Variants in RPTOR observed in about 807,000 individuals in gnomAD.
The protein encoded by RPTOR is regulatory-associated protein of mTOR.
RPTOR carries 21 observed loss-of-function variants against 169.9 expected under a neutral mutation model. The observed-to-expected ratio is 0.12, with a 90% CI of 0.09 to 0.18. The LOEUF is 0.18. Ranked by LOEUF, RPTOR falls within the 10% of genes least tolerant of loss-of-function variation. RPTOR has a pLI of 1.00. For missense variants in RPTOR, 1,133 were observed against 1,855.9 expected (o/e 0.61, Z 7.16); for synonymous variants, 732 against 753.2 (o/e 0.97, Z 0.46).
intron 6 of RPTOR, among the ~76,000 whole-genome samples, chr17:80,787,076 G>A (rs778786764): frequency 6.6e-6 from 1 of 152,068 alleles, no homozygotes; most frequent in Non-Finnish European, 1.5e-5. Context: ...TGCCGCCCCC[G>A]CCCTGTGACC....
At chr17:80,701,321 A>C (rs1051384172) in intron 3 of RPTOR, among the ~76,000 whole-genome samples, 1 of 152,176 alleles carries the variant, frequency 6.6e-6, no homozygotes, top group African/African-American at 2.4e-5. Flanking sequence ...CGGAGACCAT[A>C]ATGCTCATTC....
intron 1 of RPTOR, among the ~76,000 whole-genome samples, chr17:80,547,814 G>C (rs560101312): frequency 6.6e-6 from 1 of 152,146 alleles, no homozygotes; most frequent in Non-Finnish European, 1.5e-5. Flanking sequence ...TAATGGCATA[G>C]GTTCAAAGAT....
intron 28 of RPTOR, among the ~76,000 whole-genome samples, chr17:80,951,583 A>T (rs4969315): frequency 6.6e-6 from 1 of 152,088 alleles, no homozygotes; most frequent in African/African-American, 2.4e-5. Flanking sequence ...TGCACAGGAC[A>T]TGGGAAACCT....
chr17:80,685,644 T>TTTTTTTTTTTTTTTTTTTTTTTA (rs2065940513), intron 3 of RPTOR, among the ~76,000 whole-genome samples: 1 of 72,302 alleles, frequency 1.4e-5, no homozygotes, highest in Non-Finnish European at 2.8e-5. Flanking sequence ...TTTTTTTTTT[T>TTTTTTTTTTTTTTTTTTTTTTTA]TTTTTTTTTT....
At chr17:80,839,794 T>C (rs1355481834) in intron 10 of RPTOR, among the ~76,000 whole-genome samples, 3 of 152,258 alleles carry the variant, frequency 2.0e-5, no homozygotes, top group Non-Finnish European at 4.4e-5. Flanking sequence ...TCTGCTCTTA[T>C]ATAAAATAAT....
chr17:80,872,819 G>C (rs1446277077), intron 13 of RPTOR, among the ~76,000 whole-genome samples: 1 of 152,160 alleles, frequency 6.6e-6, no homozygotes. Flanking sequence ...TAGCACGGCA[G>C]GCTGTGCCGA....
chr17:80,847,775 G>T (rs1269432273), intron 11 of RPTOR, among the ~76,000 whole-genome samples: 3 of 152,194 alleles, frequency 2.0e-5, no homozygotes, highest in Non-Finnish European at 4.4e-5. Flanking sequence ...GAGTGGCGCC[G>T]CCCACCTGCC....
At chr17:80,687,160 G>A (rs1034734903) in intron 3 of RPTOR, among the ~76,000 whole-genome samples, 1 of 152,180 alleles carries the variant, frequency 6.6e-6, no homozygotes, top group African/African-American at 2.4e-5. Flanking sequence ...GGCCTCTGGC[G>A]CATTCTCTGC....
At chr17:80,634,202 T>TGTGTGC (rs1491537255) in intron 2 of RPTOR, among the ~76,000 whole-genome samples, 43 of 92,768 alleles carry the variant, frequency 4.6e-4, no homozygotes, top group African/African-American at 1.3e-3. Flanking sequence ...GTGTGCATAC[T>TGTGTGC]GTGTGTGCAT....
intron 29 of RPTOR, among the ~76,000 whole-genome samples, chr17:80,958,458 T>C (rs1326984389): frequency 7.2e-6 from 1 of 138,478 alleles, no homozygotes; most frequent in Non-Finnish European, 1.5e-5. Context: ...TCGCCCAGGC[T>C]GGAGTGCAGT....
In RPTOR at chr17:80,634,131, T is replaced by C. The variant is rs1164690433; in HGVS notation, c.265+8338T>C. The stretch of plus-strand genomic sequence containing the variant: ...CGTGTGTGCATACTGTGTGTGTGTG[T>C]GCATACTGTGTGCGTGTGCGTACTG... On this transcript the variant is annotated intron_variant, in intron 2 of 33. Coordinates refer to ENST00000306801, the MANE Select transcript of RPTOR (RefSeq NM_020761.3). Among the ~76,000 whole-genome samples the C allele has an allele frequency of 4.2e-5, 6 of 143,122 alleles. 1 individual carries two copies. The highest frequency in any genetic ancestry group is 3.4e-4 in the Admixed American group (5 of 14,582). 93.9% of individuals were successfully genotyped at this position (143,122 alleles called of 152,430 possible). A position where few individuals can be genotyped will look rare whatever the true frequency, so the allele number is the denominator to read the frequency against.
At chr17:80,834,811 G>A (rs558876368) in intron 9 of RPTOR, among the ~76,000 whole-genome samples, 106 of 152,266 alleles carry the variant, frequency 7.0e-4, no homozygotes, top group Non-Finnish European at 1.4e-3. Flanking sequence ...AGCACTGACC[G>A]AGGCCACACC....
intron 17 of RPTOR, among the ~76,000 whole-genome samples, chr17:80,889,387 G>A (rs2068287851): frequency 6.6e-6 from 1 of 152,172 alleles, no homozygotes; most frequent in South Asian, 2.1e-4. Context: ...GAGGAAGGCT[G>A]CTCAGCCCCA....
intron 29 of RPTOR, among the ~76,000 whole-genome samples, chr17:80,958,811 A>T (rs1196956428): frequency 6.6e-6 from 1 of 152,200 alleles, no homozygotes; most frequent in African/African-American, 2.4e-5. Flanking sequence ...AGTGGTAGAG[A>T]CCTAAGCAGG....
chr17:80,925,562 C>T (rs2068802154), intron 24 of RPTOR, 82 bp downstream of exon 24: 1 of 1,151,266 alleles, frequency 8.7e-7, no homozygotes, highest in Admixed American at 1.8e-5. Context: ...ACGCTCAAGG[C>T]TTGTGGCTGT....
chr17:80,690,848 G>A (rs1190232573), intron 3 of RPTOR, among the ~76,000 whole-genome samples: 1 of 152,172 alleles, frequency 6.6e-6, no homozygotes, highest in Non-Finnish European at 1.5e-5. Context: ...AGGCTGGAGT[G>A]CAGTGGCGCA....
chr17:80,924,021 G>C (rs2068781796), intron 23 of RPTOR: 1 of 342,934 alleles, frequency 2.9e-6, no homozygotes, highest in African/African-American at 2.1e-5. Context: ...GAGTTACCTG[G>C]CTCTGCCCTT....
Position 80,965,346 on chromosome 17 carries a change from AC to A in RPTOR, c.*1017del. ...GGCAAGAGGCACTGCCGGGTCCCGG[AC>A]GGCTCCGGGTGACACCAGCCCCGTC... On this transcript the variant is annotated 3_prime_UTR_variant, in exon 34 of 34. Coordinates refer to ENST00000306801, the MANE Select transcript of RPTOR (RefSeq NM_020761.3). 1 of 233,254 alleles carries A rather than the reference AC, an allele frequency of 4.3e-6. No homozygotes were observed. Among genetic ancestry groups the A allele is most frequent in the Non-Finnish European group, 8.5e-6 (1 of 118,052 alleles). 14.4% of individuals were successfully genotyped at this position (233,254 alleles called of 1,614,324 possible).
chr17:80,579,722 T>A (rs2064998454), intron 1 of RPTOR, among the ~76,000 whole-genome samples: 1 of 152,190 alleles, frequency 6.6e-6, no homozygotes. Context: ...GGGTCTGGGA[T>A]CCATGTAAAT....
Sources: allele counts gnomAD v4.1 joint callset (sites outside exome capture counted in the v4.1 genomes callset), GRCh38; gene constraint gnomAD v4.1.1; transcripts MANE v1.5; gene names NCBI Gene and HGNC (gene_info 2026-07-23, HGNC 2026-07-21).